Variants in TMEM178A observed in about 807,000 individuals in gnomAD.
TMEM178A encodes transmembrane protein 178A, also known as transmembrane protein 178.
A neutral mutation model predicts 29.1 loss-of-function variants in TMEM178A; 12 were observed. The ratio of observed to expected loss-of-function variants is 0.41; its 90% CI spans 0.26 to 0.67. The LOEUF is 0.67. Among genes scored for constraint, TMEM178A ranks in the 30% least tolerant of loss-of-function variants. The pLI is 0.29. For synonymous variants in TMEM178A, 210 were observed against 187.2 expected (o/e 1.12, Z -0.99); for missense variants, 366 against 419.1 (o/e 0.87, Z 1.11).
At chr2:39,669,709 A>G (rs1670330865) in intron 1 of TMEM178A, among the ~76,000 whole-genome samples, 2 of 152,300 alleles carry the variant, frequency 1.3e-5, no homozygotes, top group South Asian at 2.1e-4. Context: ...AAAACAAAAT[A>G]TTTGCCAGCA....
the TMEM178A span, among the ~76,000 whole-genome samples, chr2:39,723,651 G>GC: frequency 5.3e-5 from 8 of 152,166 alleles, no homozygotes; most frequent in Admixed American, 1.3e-4. Flanking sequence ...ACTGTGTCAG[G>GC]CTGTGTCCTT....
upstream of TMEM178A, chr2:39,665,595 AG>A: frequency 5.6e-6 from 1 of 179,634 alleles, no homozygotes; most frequent in Non-Finnish European, 1.1e-5. Context: ...AGAGATTAAA[AG>A]GGGAAGGGGG....
chr2:39,704,213 G>A lies in TMEM178A; in HGVS notation c.514+19G>A, dbSNP rs1215788724. On this transcript the variant is annotated intron_variant, in intron 2 of 3. Transcript: ENST00000281961. ...CTGCTTCGTAAGTATTTCCAGGAGA[G>A]GTTCAGAGAGGAAATGGTGTCATTC... 6.2e-7 allele frequency: 1 copy of A among 1,601,466 alleles called. No individual in the cohort carries two copies. The highest frequency in any genetic ancestry group is 1.7e-5 in the Admixed American group (1 of 59,932).
chr2:39,705,895 G>A (rs947645395), intron 2 of TMEM178A, among the ~76,000 whole-genome samples: 7 of 152,210 alleles, frequency 4.6e-5, no homozygotes, highest in African/African-American at 1.7e-4. Flanking sequence ...CTGTTACCTG[G>A]CCTTGGGGGC....
At chr2:39,724,750 G>C in the TMEM178A span, among the ~76,000 whole-genome samples, 1 of 152,202 alleles carries the variant, frequency 6.6e-6, no homozygotes. Flanking sequence ...CAGAGGAACA[G>C]AGACTCAGAG....
At chr2:39,719,368 C>A (rs537922787), downstream of TMEM178A, among the ~76,000 whole-genome samples, 13 of 152,146 alleles carry the variant, frequency 8.5e-5, no homozygotes, top group African/African-American at 3.1e-4. Flanking sequence ...GAAAGCCTCG[C>A]GGTAGCAGGA....
rs747845735 is a variant in TMEM178A at position 39,704,064 on chromosome 2, T to G, written c.401-17T>G. 5 of 1,611,322 alleles carry G rather than the reference T, an allele frequency of 3.1e-6. No homozygotes were observed. Among genetic ancestry groups the G allele is most frequent in the Non-Finnish European group, 3.4e-6 (4 of 1,177,716 alleles). On this transcript the variant is annotated splice_polypyrimidine_tract_variant and intron_variant, in intron 1 of 3. Transcript: ENST00000281961. ...AAATAAGCAGACTCGTAAATCGCGTTTCTTATTTCCTTCAAGGTATTGCGC... is the reference window on the plus strand; with the variant it reads ...AAATAAGCAGACTCGTAAATCGCGTGTCTTATTTCCTTCAAGGTATTGCGC...
chr2:39,679,579 C>T (rs1487713366), intron 1 of TMEM178A, among the ~76,000 whole-genome samples: 1 of 151,824 alleles, frequency 6.6e-6, no homozygotes, highest in Non-Finnish European at 1.5e-5. Context: ...GTGTTTTTGT[C>T]TCTTTACTTA....
At chr2:39,712,842 C>T (rs1347774705) in intron 3 of TMEM178A, among the ~76,000 whole-genome samples, 1 of 152,152 alleles carries the variant, frequency 6.6e-6, no homozygotes, top group Non-Finnish European at 1.5e-5. Flanking sequence ...GAGGTGATAC[C>T]TTATTAATCC....
chr2:39,676,861 A>G (rs1479155923), intron 1 of TMEM178A, among the ~76,000 whole-genome samples: 2 of 152,130 alleles, frequency 1.3e-5, no homozygotes, highest in African/African-American at 2.4e-5. Flanking sequence ...CTTTCTCCAC[A>G]TACTGCCCTA....
chr2:39,735,577 G>A, the TMEM178A span, among the ~76,000 whole-genome samples: 2 of 152,164 alleles, frequency 1.3e-5, no homozygotes, highest in Non-Finnish European at 2.9e-5. Flanking sequence ...GCCAGATACC[G>A]AGTAACGAAT....
At chr2:39,706,767 C>G (rs1672053690) in intron 2 of TMEM178A, among the ~76,000 whole-genome samples, 2 of 152,154 alleles carry the variant, frequency 1.3e-5, no homozygotes, top group Non-Finnish European at 2.9e-5. Context: ...ACATCTGTTA[C>G]TCAGGTCTAT....
At chr2:39,683,717 C>A (rs537297401) in intron 1 of TMEM178A, among the ~76,000 whole-genome samples, 1 of 152,306 alleles carries the variant, frequency 6.6e-6, no homozygotes, top group South Asian at 2.1e-4. Flanking sequence ...AATCGTGTAC[C>A]ACTTGCATTA....
the TMEM178A span, among the ~76,000 whole-genome samples, chr2:39,731,014 C>G: frequency 2.6e-5 from 4 of 152,148 alleles, no homozygotes; most frequent in Non-Finnish European, 5.9e-5. Flanking sequence ...TCCATCATGC[C>G]GTAAGGCCTT....
At chr2:39,735,237 A>G in the TMEM178A span, among the ~76,000 whole-genome samples, 4 of 152,298 alleles carry the variant, frequency 2.6e-5, no homozygotes, top group South Asian at 4.1e-4. Flanking sequence ...AGTATCCACT[A>G]TATGCCAGGA....
upstream of TMEM178A, chr2:39,665,869 G>A: frequency 9.8e-7 from 1 of 1,018,952 alleles, no homozygotes; most frequent in Non-Finnish European, 1.3e-6. Context: ...GAGGTGGGGG[G>A]CAGGTGGGGG....
intron 1 of TMEM178A, among the ~76,000 whole-genome samples, chr2:39,668,759 G>T (rs576284035): frequency 3.3e-5 from 5 of 152,082 alleles, no homozygotes; most frequent in African/African-American, 1.2e-4. Flanking sequence ...ACCAACCTTG[G>T]GCTAGTTACA....
intron 1 of TMEM178A, among the ~76,000 whole-genome samples, chr2:39,666,672 TTC>T (rs146649542): frequency 6.6e-6 from 1 of 152,008 alleles, no homozygotes; most frequent in African/African-American, 2.4e-5. Flanking sequence ...CATTCCCCGG[TTC>T]TCTCTCTCTC....
chr2:39,709,128 C>G (rs77091212), intron 3 of TMEM178A, among the ~76,000 whole-genome samples: 2 of 152,206 alleles, frequency 1.3e-5, no homozygotes, highest in African/African-American at 2.4e-5. Flanking sequence ...CACACCCCAC[C>G]GGGGCTGACA....
Sources: allele counts gnomAD v4.1 joint callset (sites outside exome capture counted in the v4.1 genomes callset), GRCh38; gene constraint gnomAD v4.1.1; transcripts MANE v1.5; gene names NCBI Gene and HGNC (gene_info 2026-07-23, HGNC 2026-07-21).